LIMCH1: variants seen among roughly 807,000 people sequenced by gnomAD.
The protein encoded by LIMCH1 is LIM and calponin homology domains-containing protein 1.
In LIMCH1, 113 loss-of-function variants were observed where a neutral mutation model predicts 176.5. The observed-to-expected ratio is 0.64, with a 90% CI of 0.55 to 0.75. The LOEUF (loss-of-function observed/expected upper bound fraction) is 0.75. Ranked by LOEUF, LIMCH1 falls within the 30% of genes least tolerant of loss-of-function variation. The pLI is 0.00. For missense variants in LIMCH1, 1,674 were observed against 1,814.9 expected (o/e 0.92, Z 1.41); for synonymous variants, 619 against 645.9 (o/e 0.96, Z 0.63).
chr4:41,417,833 T>C (rs1394257033), intron 1 of LIMCH1, among the ~76,000 whole-genome samples: 2 of 152,188 alleles, frequency 1.3e-5, no homozygotes, highest in Non-Finnish European at 2.9e-5. Flanking sequence ...CTCTAGAGGG[T>C]ATTTTAAAAT....
intron 1 of LIMCH1, among the ~76,000 whole-genome samples, chr4:41,424,385 G>A (rs2060887987): frequency 6.6e-6 from 1 of 152,188 alleles, no homozygotes; most frequent in South Asian, 2.1e-4. Flanking sequence ...GTTAAAAGCT[G>A]TTTTCACAGA....
intron 14 of LIMCH1, among the ~76,000 whole-genome samples, chr4:41,641,549 A>C (rs191747610): frequency 8.7e-4 from 132 of 152,288 alleles, no homozygotes; most frequent in Non-Finnish European, 1.6e-3. Context: ...TCAGATTTTG[A>C]ACTTTTTTAG....
At chr4:41,487,107 C>T (rs918107600) in intron 1 of LIMCH1, among the ~76,000 whole-genome samples, 2 of 152,098 alleles carry the variant, frequency 1.3e-5, no homozygotes. Flanking sequence ...GATCCACCCG[C>T]CTCGGACTCC....
chr4:41,660,650 G>T (rs752218446), intron 18 of LIMCH1, among the ~76,000 whole-genome samples: 1 of 152,206 alleles, frequency 6.6e-6, no homozygotes, highest in African/African-American at 2.4e-5. Flanking sequence ...AACAGAAATT[G>T]TCAAATTTGG....
intron 18 of LIMCH1, among the ~76,000 whole-genome samples, chr4:41,654,230 T>C (rs2094398898): frequency 6.6e-6 from 1 of 152,180 alleles, no homozygotes; most frequent in African/African-American, 2.4e-5. Flanking sequence ...GAATTTTGAA[T>C]TTTGATCTTT....
chr4:41,573,455 A>G (rs2083890886), intron 1 of LIMCH1, among the ~76,000 whole-genome samples: 1 of 152,188 alleles, frequency 6.6e-6, no homozygotes, highest in African/African-American at 2.4e-5. Flanking sequence ...ATGTATGTAA[A>G]TGACATGGTT....
chr4:41,418,018 A>G (rs1419242657), intron 1 of LIMCH1, among the ~76,000 whole-genome samples: 2 of 152,236 alleles, frequency 1.3e-5, no homozygotes, highest in Non-Finnish European at 2.9e-5. Context: ...TTGGCAATGA[A>G]AGTTGTTTAA....
chr4:41,646,546 G>C lies in LIMCH1; in HGVS notation c.2473G>C (p.Glu825Gln), dbSNP rs1355904486. 6.2e-7 allele frequency: 1 copy of C among 1,614,104 alleles called. No homozygotes were observed. The highest frequency in any genetic ancestry group is 1.3e-5 in the African/African-American group (1 of 74,948). The change falls in exon 17 of 32, where the codon GAG (glutamate) becomes CAG (glutamine). Residue 825 changes from glutamate (E) to glutamine (Q), a missense_variant. Physicochemically the swap from Glu to Gln is conservative, Grantham distance 29 (BLOSUM62 2). Coordinates refer to ENST00000503057, the MANE Select transcript of LIMCH1 (RefSeq NM_001330672.2). The part of the protein sequence containing the change: ...YKNARSQEEA[E>Q]GILQQYIERF... Reference sequence around the variant, plus strand: ...GAACGCTCGGTCCCAGGAGGAGGCAGAGGGGATCCTTCAACAGTACATTGA... The same window carrying C: ...GAACGCTCGGTCCCAGGAGGAGGCACAGGGGATCCTTCAACAGTACATTGA...
At chr4:41,561,993 T>A (rs1409300157) in intron 1 of LIMCH1, among the ~76,000 whole-genome samples, 2 of 152,188 alleles carry the variant, frequency 1.3e-5, no homozygotes, top group Non-Finnish European at 2.9e-5. Context: ...CTCACCCTCT[T>A]TCATAGGCAG....
chr4:41,551,667 A>G (rs1325605255), intron 1 of LIMCH1, among the ~76,000 whole-genome samples: 2 of 152,096 alleles, frequency 1.3e-5, no homozygotes, highest in Non-Finnish European at 2.9e-5. Flanking sequence ...GGAAAAAAAT[A>G]AAAGAAGAAT....
At chr4:41,695,119 A>G (rs1729511849) in intron 31 of LIMCH1, among the ~76,000 whole-genome samples, 1 of 151,982 alleles carries the variant, frequency 6.6e-6, no homozygotes, top group Admixed American at 6.6e-5. Flanking sequence ...GAAATTTGCC[A>G]TTTGTTATAT....
rs1478511446 is a variant in LIMCH1 at position 41,619,321 on chromosome 4, C to T, written c.339C>T (p.Asn113=). Residue 113 remains asparagine (N), a synonymous_variant, in exon 6 of 32, where the codon AAC becomes AAT. Coordinates refer to ENST00000503057, the MANE Select transcript of LIMCH1 (RefSeq NM_001330672.2). ...TGCCTTTTAACCAGTACCTCCCGAA[C>T]AAAAGCAATCAGACGGCCTACGTCC... ...SAVPFNQYLP[N]KSNQTAYVPA... is the part of the protein sequence containing the mutation. 14 of 1,614,076 alleles carry T rather than the reference C, an allele frequency of 8.7e-6. No individual in the cohort carries two copies. Among genetic ancestry groups the T allele is most frequent in the Non-Finnish European group, 1.2e-5 (14 of 1,180,036 alleles).
chr4:41,364,173 T>C (rs1475860474), intron 1 of LIMCH1, among the ~76,000 whole-genome samples: 2 of 152,218 alleles, frequency 1.3e-5, no homozygotes, highest in Non-Finnish European at 2.9e-5. Flanking sequence ...AACAGGATAC[T>C]AATAACAGCT....
intron 1 of LIMCH1, among the ~76,000 whole-genome samples, chr4:41,576,798 T>A (rs1157712406): frequency 6.6e-6 from 1 of 152,150 alleles, no homozygotes; most frequent in Non-Finnish European, 1.5e-5. Context: ...CTTTATCTTA[T>A]CTTTGACTAA....
At position 41,680,997 on chromosome 4, in the gene LIMCH1, T is replaced by C. The variant is rs773927373; in HGVS notation, c.3655T>C (p.Ser1219Pro). The stretch of plus-strand genomic sequence containing the variant: ...AGACACTGTGGTTCCATTTACTGTT[T>C]CTTCAAGTTCCGCTGACCAGCTGTC... ...IEDTVVPFTV[S>P]SSSADQLSTS... The change falls in exon 25 of 32, where the codon TCT becomes CCT. Residue 1219 changes from serine (S) to proline (P), a missense_variant. Ser to Pro is a moderately conservative substitution (Grantham distance 74, BLOSUM62 -1). This residue lies in a region of LIMCH1 where 1,015 missense variants were observed against 1,102.5 expected (regional missense o/e 0.92). Coordinates refer to ENST00000503057, the MANE Select transcript of LIMCH1 (RefSeq NM_001330672.2). 1 of 1,612,722 alleles carries C rather than the reference T, an allele frequency of 6.2e-7. No individual in the cohort carries two copies.
At chr4:41,479,676 G>A (rs1239666847) in intron 1 of LIMCH1, among the ~76,000 whole-genome samples, 1 of 152,106 alleles carries the variant, frequency 6.6e-6, no homozygotes, top group East Asian at 1.9e-4. Flanking sequence ...TCTCATTAAG[G>A]AGTATACATT....
Position 41,413,495 on chromosome 4 carries a change from A to AT in LIMCH1, c.96+52573dup, listed in dbSNP as rs10631082. Among the ~76,000 whole-genome samples the AT allele has an allele frequency of 7.4e-3, 1,033 of 139,446 alleles. 10 individuals are homozygous for AT. The highest frequency in any genetic ancestry group is 0.018 in the African/African-American group (667 of 38,062). The allele number at this position is 139,446 out of a possible 152,430, so 91.5% of individuals were successfully genotyped here. On this transcript the variant is annotated intron_variant, in intron 1 of 26. Transcript: ENST00000313860. ...CAGGAACATGCCACCATGCCTGGCTATTTTTTTTTTTTTTGTATTTTTTGT... is the reference window on the plus strand; with the variant it reads ...CAGGAACATGCCACCATGCCTGGCTATTTTTTTTTTTTTTTGTATTTTTTGT...
chr4:41,384,790 G>T (rs1416542966), intron 1 of LIMCH1, among the ~76,000 whole-genome samples: 1 of 152,142 alleles, frequency 6.6e-6, no homozygotes, highest in Non-Finnish European at 1.5e-5. Context: ...GTACAGCGTT[G>T]TCTTCAAAGT....
intron 1 of LIMCH1, among the ~76,000 whole-genome samples, chr4:41,465,785 A>T (rs1386065666): frequency 6.6e-6 from 1 of 152,178 alleles, no homozygotes; most frequent in South Asian, 2.1e-4. Flanking sequence ...TATAGAATAG[A>T]TGTAAGCCAA....
Sources: gnomAD v4.1 joint callset for allele counts (sites outside exome capture counted in the v4.1 genomes callset) on GRCh38, gnomAD v4.1.1 for gene constraint, gnomAD v4.1.1 regional missense constraint, MANE v1.5 for transcripts, NCBI Gene and HGNC (gene_info 2026-07-23, HGNC 2026-07-21) for gene names.